Variants in CTNNA3 observed in about 807,000 individuals in gnomAD.
The protein encoded by CTNNA3 is catenin alpha 3.
In CTNNA3, 76 loss-of-function variants were observed where a neutral mutation model predicts 95.7. The ratio of observed to expected loss-of-function variants is 0.79; its 90% CI spans 0.66 to 0.96. The LOEUF is 0.96. CTNNA3 is among the 40% of genes least tolerant of loss of function. The pLI is 0.00. For missense variants in CTNNA3, 1,191 were observed against 1,089.8 expected (o/e 1.09, Z -1.31); for synonymous variants, 431 against 374.4 (o/e 1.15, Z -1.74).
chr10:65,937,633 T>C (rs1051527006), intron 17 of CTNNA3, among the ~76,000 whole-genome samples: 4 of 152,102 alleles, frequency 2.6e-5, no homozygotes, highest in Non-Finnish European at 4.4e-5. Flanking sequence ...CCTGTTGTAT[T>C]TTGCCCATAC....
chr10:66,367,850 TATA>T lies in CTNNA3; in HGVS notation c.1732+11299_1732+11301del, dbSNP rs201921395. On this transcript the variant is annotated intron_variant, in intron 12 of 17. Coordinates refer to ENST00000433211, the MANE Select transcript of CTNNA3 (RefSeq NM_013266.4). Reference sequence around the variant, plus strand: ...TTCTGCATCTTTTTAAGGCTTCTTTTATAATAATAATAATAATAATAATAATAA... The same window carrying T: ...TTCTGCATCTTTTTAAGGCTTCTTTTATAATAATAATAATAATAATAATAA... Among the ~76,000 whole-genome samples, 600 of 100,152 alleles carry T rather than the reference TATA, an allele frequency of 6.0e-3. 2 individuals are homozygous for T. The highest frequency in any genetic ancestry group is 0.021 in the African/African-American group (498 of 24,058). The allele number at this position is 100,152 out of a possible 152,430, so 65.7% of individuals were successfully genotyped here. A position where few individuals can be genotyped will look rare whatever the true frequency, so the allele number is the denominator to read the frequency against.
chr10:66,026,032 A>G (rs2079326643), intron 15 of CTNNA3, among the ~76,000 whole-genome samples: 1 of 152,278 alleles, frequency 6.6e-6, no homozygotes. Context: ...CTCCCCCTTC[A>G]GTCACCTGTT....
chr10:66,645,464 G>A (rs1030278852), intron 9 of CTNNA3, among the ~76,000 whole-genome samples: 11 of 152,132 alleles, frequency 7.2e-5, no homozygotes, highest in African/African-American at 2.7e-4. Context: ...TGTGGAAAAT[G>A]CTGTCTTTCT....
At chr10:66,222,774 A>G (rs922348) in intron 13 of CTNNA3, among the ~76,000 whole-genome samples, 86,842 of 151,616 alleles carry the variant, frequency 0.57, 25,220 homozygotes, top group South Asian at 0.72. Context: ...AAAAGAGAAA[A>G]GGAAAGAAAA....
chr10:67,703,678 G>A (rs1335254251), intron 1 of CTNNA3, among the ~76,000 whole-genome samples: 1 of 152,168 alleles, frequency 6.6e-6, no homozygotes, highest in Non-Finnish European at 1.5e-5. Context: ...CATACTGAAT[G>A]GGCAAACACT....
Position 66,621,792 on chromosome 10 carries a change from A to G in CTNNA3, c.1282-8T>C. 1 of 1,567,656 alleles carries G rather than the reference A, an allele frequency of 6.4e-7. No individual in the cohort carries two copies. Among genetic ancestry groups the G allele is most frequent in the South Asian group, 1.1e-5 (1 of 87,270 alleles). The stretch of plus-strand genomic sequence containing the variant: ...ACAAGCAAGATTTGCCACCTTAAAT[A>G]CAATCCAAAATAATGGAAATTATTT... On this transcript the variant is annotated splice_region_variant and splice_polypyrimidine_tract_variant and intron_variant, in intron 9 of 17. Transcript: ENST00000433211.
chr10:66,495,367 A>G (rs1273130382), intron 11 of CTNNA3, among the ~76,000 whole-genome samples: 1 of 152,188 alleles, frequency 6.6e-6, no homozygotes, highest in East Asian at 1.9e-4. Flanking sequence ...TATTTTAAAG[A>G]TCACATATAG....
At chr10:65,969,901 A>C (rs1045869399) in intron 16 of CTNNA3, among the ~76,000 whole-genome samples, 1 of 152,120 alleles carries the variant, frequency 6.6e-6, no homozygotes, top group Non-Finnish European at 1.5e-5. Flanking sequence ...GTAGACATCT[A>C]GATATAAGAA....
chr10:66,164,369 T>A (rs1413828226), intron 13 of CTNNA3, among the ~76,000 whole-genome samples: 3 of 152,194 alleles, frequency 2.0e-5, no homozygotes, highest in African/African-American at 7.2e-5. Context: ...TTTGGGCAAC[T>A]TCTCTTCTCT....
intron 12 of CTNNA3, among the ~76,000 whole-genome samples, chr10:66,294,157 C>G (rs1392740787): frequency 6.6e-6 from 1 of 152,166 alleles, no homozygotes; most frequent in African/African-American, 2.4e-5. Context: ...TTAAATGAAT[C>G]ATCTCTATCA....
At chr10:66,312,903 A>G (rs142396104) in intron 12 of CTNNA3, among the ~76,000 whole-genome samples, 1 of 152,198 alleles carries the variant, frequency 6.6e-6, no homozygotes, top group Non-Finnish European at 1.5e-5. Context: ...AGGGGAAAGA[A>G]CTAATGTTAC....
intron 7 of CTNNA3, among the ~76,000 whole-genome samples, chr10:66,900,624 C>A (rs963900478): frequency 2.0e-5 from 3 of 151,928 alleles, no homozygotes; most frequent in Non-Finnish European, 4.4e-5. Context: ...AGAAAAAAAA[C>A]CTTGAAAAAA....
intron 5 of CTNNA3, among the ~76,000 whole-genome samples, chr10:67,255,001 C>T (rs12244783): frequency 0.31 from 47,194 of 151,968 alleles, 12,849 homozygotes; most frequent in African/African-American, 0.73. Context: ...GCTATAAAAC[C>T]ACAATAATTT....
chr10:66,117,961 A>G (rs1196163842), intron 13 of CTNNA3, among the ~76,000 whole-genome samples: 1 of 152,166 alleles, frequency 6.6e-6, no homozygotes, highest in Non-Finnish European at 1.5e-5. Context: ...GAGAGAGACC[A>G]CAGCTGAGGG....
chr10:66,743,015 A>G (rs1488006620), intron 9 of CTNNA3, among the ~76,000 whole-genome samples: 2 of 152,120 alleles, frequency 1.3e-5, no homozygotes, highest in African/African-American at 4.8e-5. Flanking sequence ...ACTTATTTTC[A>G]TTGATATGGA....
intron 1 of CTNNA3, chr10:67,751,032 C>T: frequency 2.0e-6 from 3 of 1,530,026 alleles, no homozygotes; most frequent in Non-Finnish European, 2.7e-6. Flanking sequence ...GGTTCTGATC[C>T]ATTTCCATAT....
chr10:66,344,745 T>G (rs2092489572), intron 12 of CTNNA3, among the ~76,000 whole-genome samples: 3 of 152,080 alleles, frequency 2.0e-5, no homozygotes, highest in African/African-American at 7.2e-5. Flanking sequence ...GAAACATCCT[T>G]CAGACGAACT....
intron 13 of CTNNA3, among the ~76,000 whole-genome samples, chr10:66,169,835 T>C (rs1341378506): frequency 1.3e-5 from 2 of 152,214 alleles, no homozygotes; most frequent in East Asian, 1.9e-4. Context: ...AAGAATTTTC[T>C]ATTCATGTCC....
chr10:66,407,187 T>C (rs2093064190), intron 11 of CTNNA3, among the ~76,000 whole-genome samples: 1 of 145,410 alleles, frequency 6.9e-6, no homozygotes. Flanking sequence ...GTAGGGAATT[T>C]AAACAACTGT....
Sources: allele counts gnomAD v4.1 joint callset (sites outside exome capture counted in the v4.1 genomes callset), GRCh38; gene constraint gnomAD v4.1.1; transcripts MANE v1.5; gene names NCBI Gene and HGNC (gene_info 2026-07-23, HGNC 2026-07-21).